Variants in C2CD5 observed in about 807,000 individuals in gnomAD.
The protein encoded by C2CD5 is C2 calcium dependent domain containing 5, also known as C2 domain-containing protein 5.
In C2CD5, 109 loss-of-function variants were observed where a neutral mutation model predicts 130.3. That is an observed-to-expected ratio of 0.84 (90% CI 0.72 to 0.98). The LOEUF is 0.98. Among genes scored for constraint, C2CD5 ranks in the 50% least tolerant of loss-of-function variants. The pLI, the probability that C2CD5 is intolerant of heterozygous loss-of-function variation, is 0.00. For synonymous variants in C2CD5, 454 were observed against 429.2 expected (o/e 1.06, Z -0.71); for missense variants, 996 against 1,261.8 (o/e 0.79, Z 3.19).
chr12:22,501,204 C>T (rs1947740036), intron 10 of C2CD5, among the ~76,000 whole-genome samples: 1 of 152,272 alleles, frequency 6.6e-6, no homozygotes, highest in African/African-American at 2.4e-5. Flanking sequence ...CATTCTATAA[C>T]TTATATCTAC....
chr12:22,453,821 A>C (rs1591912778), intron 26 of C2CD5, 75 bp downstream of exon 26: 2 of 1,330,618 alleles, frequency 1.5e-6, no homozygotes, highest in East Asian at 4.6e-5. Context: ...TCTCTTTTGG[A>C]GGGGGTTAGG....
chr12:22,511,210 G>A (rs1039731772), intron 9 of C2CD5, among the ~76,000 whole-genome samples: 4 of 149,898 alleles, frequency 2.7e-5, no homozygotes, highest in African/African-American at 4.9e-5. Context: ...TTTATTAAGG[G>A]TGGTTTACCA....
At chr12:22,540,721 C>T (rs1458496167) in intron 2 of C2CD5, among the ~76,000 whole-genome samples, 4 of 152,010 alleles carry the variant, frequency 2.6e-5, no homozygotes, top group African/African-American at 7.3e-5. Context: ...TAGCTGGGCG[C>T]GGAGGCAAGC....
Position 22,537,708 on chromosome 12 carries a change from A to G in C2CD5, c.91-2364T>C, listed in dbSNP as rs16925144. On this transcript the variant is annotated intron_variant, in intron 2 of 26. Coordinates refer to ENST00000446597, the MANE Select transcript of C2CD5 (RefSeq NM_001286176.2). ...TTCCTCCTCTGAAAAGTGGGATTGT[A>G]AGTGAGCATTACATGATATAACACA... 2.8e-3 allele frequency among the ~76,000 whole-genome samples: 419 copies of G among 152,282 alleles called. 8 individuals are homozygous for G. The East Asian group carries it at 0.05, about 18-fold the overall frequency.
intron 16 of C2CD5, among the ~76,000 whole-genome samples, chr12:22,473,591 T>C (rs955495578): frequency 6.6e-6 from 1 of 152,198 alleles, no homozygotes; most frequent in Non-Finnish European, 1.5e-5. Flanking sequence ...TTTGTTCTCA[T>C]GTGCCTCTCT....
At position 22,544,482 on chromosome 12, in the gene C2CD5, T is replaced by C. The variant is rs1471772785; in HGVS notation, c.-192A>G. 2.4e-5 allele frequency: 5 copies of C among 208,984 alleles called. No individual in the cohort carries two copies. Among genetic ancestry groups the C allele is most frequent in the Non-Finnish European group, 4.8e-5 (5 of 105,216 alleles). 12.9% of individuals were successfully genotyped at this position (208,984 alleles called of 1,614,324 possible). ...CCGTTGAGCCTCTGCCGCCCCTGCT[T>C]GTCTCTCCTCCCCCGCTCTCAAAAA... is the stretch of plus-strand genomic sequence containing the variant. On this transcript the variant is annotated 5_prime_UTR_variant, in exon 1 of 27. Coordinates refer to ENST00000446597, the MANE Select transcript of C2CD5 (RefSeq NM_001286176.2).
intron 7 of C2CD5, among the ~76,000 whole-genome samples, chr12:22,522,151 AAATC>A (rs1381497715): frequency 6.6e-6 from 1 of 152,218 alleles, no homozygotes; most frequent in Non-Finnish European, 1.5e-5. Context: ...AGCAAAAACT[AAATC>A]ATTTACCTGT....
chr12:22,519,104 C>A, intron 7 of C2CD5: 1 of 1,532,520 alleles, frequency 6.5e-7, no homozygotes, highest in Non-Finnish European at 8.7e-7. Flanking sequence ...GGAGTCTGAG[C>A]AGTCTCGTAC....
At chr12:22,541,826 C>A (rs1952417720) in intron 2 of C2CD5, among the ~76,000 whole-genome samples, 2 of 152,334 alleles carry the variant, frequency 1.3e-5, no homozygotes, top group African/African-American at 4.8e-5. Flanking sequence ...TTTTAAACAT[C>A]TGTCTCTCCC....
At chr12:22,493,075 G>A (rs947154639) in intron 11 of C2CD5, 148 bp downstream of exon 11, 3 of 442,826 alleles carry the variant, frequency 6.8e-6, no homozygotes, top group East Asian at 6.7e-5. Context: ...TGGCAAAGAC[G>A]GCATATAAAC....
chr12:22,495,073 T>A (rs988102047), intron 10 of C2CD5, among the ~76,000 whole-genome samples: 6 of 152,094 alleles, frequency 3.9e-5, no homozygotes, highest in African/African-American at 1.4e-4. Context: ...TGTATTTCAG[T>A]TTAGAAAATA....
chr12:22,533,089 G>C (rs1206686032), intron 3 of C2CD5, among the ~76,000 whole-genome samples: 1 of 151,948 alleles, frequency 6.6e-6, no homozygotes, highest in African/African-American at 2.4e-5. Context: ...TAGCAGTGAA[G>C]AAGAACAAAA....
Position 22,472,178 on chromosome 12 carries a change from G to A in C2CD5, c.2169+108C>T, listed in dbSNP as rs1943142850. The A allele has an allele frequency of 4.7e-6, 4 of 848,182 alleles. No individual in the cohort carries two copies. In the Admixed American group the frequency reaches 1.0e-4, roughly 22 times the overall value. 52.5% of individuals were successfully genotyped at this position (848,182 alleles called of 1,614,324 possible). A position where few individuals can be genotyped will look rare whatever the true frequency, so the allele number is the denominator to read the frequency against. ...TAACTAATGTAGTAGAATAAGGATGGTATTTTAATTGCAATAAGGAGGTAA... is the reference window on the plus strand; with the variant it reads ...TAACTAATGTAGTAGAATAAGGATGATATTTTAATTGCAATAAGGAGGTAA... On this transcript the variant is annotated intron_variant, in intron 18 of 26. Coordinates refer to ENST00000446597, the MANE Select transcript of C2CD5 (RefSeq NM_001286176.2).
intron 9 of C2CD5, among the ~76,000 whole-genome samples, chr12:22,508,948 C>T (rs1401822441): frequency 6.6e-6 from 1 of 151,196 alleles, no homozygotes; most frequent in Non-Finnish European, 1.5e-5. Flanking sequence ...GCAATCTCGG[C>T]TCACTGCAAG....
chr12:22,465,995 A>G (rs1296813460), intron 22 of C2CD5, among the ~76,000 whole-genome samples: 4 of 152,110 alleles, frequency 2.6e-5, no homozygotes, highest in Admixed American at 2.6e-4. Flanking sequence ...ACCAAATATA[A>G]TAAACGATGG....
chr12:22,459,397 G>A, intron 23 of C2CD5, 95 bp downstream of exon 23: 1 of 735,782 alleles, frequency 1.4e-6, no homozygotes, highest in Non-Finnish European at 2.3e-6. Flanking sequence ...ATTCCATATT[G>A]TCCAGTGCAT....
intron 3 of C2CD5, chr12:22,534,970 T>A (rs1951686147): frequency 4.4e-6 from 1 of 227,474 alleles, no homozygotes; most frequent in Non-Finnish European, 8.4e-6. Flanking sequence ...TTAATCCATA[T>A]ATTATTCTTA....
At chr12:22,514,223 G>A (rs1034248063) in intron 8 of C2CD5, among the ~76,000 whole-genome samples, 4 of 152,152 alleles carry the variant, frequency 2.6e-5, no homozygotes, top group East Asian at 1.9e-4. Flanking sequence ...CTTTCAAAAC[G>A]TAAGATGCAT....
chr12:22,494,981 A>T (rs1025103032), intron 10 of C2CD5, among the ~76,000 whole-genome samples: 2 of 152,082 alleles, frequency 1.3e-5, no homozygotes, highest in Non-Finnish European at 2.9e-5. Flanking sequence ...TTTCTATCAT[A>T]AGATGAACTA....
Sources: gnomAD v4.1 joint callset for allele counts (sites outside exome capture counted in the v4.1 genomes callset) on GRCh38, gnomAD v4.1.1 for gene constraint, MANE v1.5 for transcripts, NCBI Gene and HGNC (gene_info 2026-07-23, HGNC 2026-07-21) for gene names.